SUPV3L1: variants seen among roughly 807,000 people sequenced by gnomAD.
SUPV3L1 encodes ATP-dependent RNA helicase SUPV3L1, mitochondrial.
In SUPV3L1, 35 loss-of-function variants were observed where a neutral mutation model predicts 70.0. The ratio of observed to expected loss-of-function variants is 0.50; its 90% CI spans 0.38 to 0.66. The LOEUF is 0.66. Among genes scored for constraint, SUPV3L1 ranks in the 30% least tolerant of loss-of-function variants. SUPV3L1 has a pLI of 0.00. For synonymous variants in SUPV3L1, 364 were observed against 341.9 expected (o/e 1.06, Z -0.71); for missense variants, 777 against 961.5 (o/e 0.81, Z 2.54).
chr10:69,204,736 C>A lies in SUPV3L1; in HGVS notation c.1776+1693C>A, dbSNP rs1842779113. Among the ~76,000 whole-genome samples, 3 of 151,408 alleles carry A rather than the reference C, an allele frequency of 2.0e-5. No homozygotes were observed. In the South Asian group the frequency reaches 6.3e-4, roughly 32 times the overall value. On this transcript the variant is annotated intron_variant, in intron 13 of 14. Coordinates refer to ENST00000359655, the MANE Select transcript of SUPV3L1 (RefSeq NM_003171.5). ...CTATGTGCATGTTCATGTGGAAACACTAGATTTGTTGTGAGGGTGCATTTC... is the reference window on the plus strand; with the variant it reads ...CTATGTGCATGTTCATGTGGAAACAATAGATTTGTTGTGAGGGTGCATTTC...
intron 8 of SUPV3L1, 136 bp from the exon 9 acceptor site, chr10:69,198,236 G>A: frequency 1.5e-6 from 1 of 652,400 alleles, no homozygotes; most frequent in South Asian, 3.1e-5. Context: ...ATGTTTTTCT[G>A]TGTTTTCTTT....
intron 4 of SUPV3L1, among the ~76,000 whole-genome samples, chr10:69,188,848 T>C (rs565384124): frequency 8.5e-4 from 130 of 152,294 alleles, no homozygotes; most frequent in Non-Finnish European, 1.6e-3. Flanking sequence ...TATTCCACTA[T>C]GGCCAGAGGT....
At chr10:69,199,963 G>A (rs1421634596) in intron 10 of SUPV3L1, among the ~76,000 whole-genome samples, 1 of 152,058 alleles carries the variant, frequency 6.6e-6, no homozygotes, top group East Asian at 1.9e-4. Flanking sequence ...TTGTGCCTCA[G>A]CCCCCCGAGT....
chr10:69,208,879 C>T lies in SUPV3L1; in HGVS notation c.2205C>T (p.Ser735=), dbSNP rs1317583470. The T allele has an allele frequency of 5.6e-6, 9 of 1,613,908 alleles. No homozygotes were observed. Among genetic ancestry groups the T allele is most frequent in the Admixed American group, 3.3e-5 (2 of 59,970 alleles). Residue 735 remains serine, a synonymous_variant, in exon 15 of 15, where the codon TCC becomes TCT. Transcript: ENST00000359655. ...SPDAGELSLA[S]RLVQQGLLTP... ...ATGCAGGAGAGCTGTCCCTTGCTTC[C>T]AGATTGGTGCAGCAAGGACTCCTCA... is the stretch of plus-strand genomic sequence containing the variant.
intron 13 of SUPV3L1, among the ~76,000 whole-genome samples, chr10:69,204,624 T>C (rs1209991824): frequency 6.6e-6 from 1 of 152,182 alleles, no homozygotes; most frequent in Non-Finnish European, 1.5e-5. Flanking sequence ...AGCTTAAATG[T>C]GGCTCCCTCC....
chr10:69,200,746 C>T (rs1455347320), intron 11 of SUPV3L1, among the ~76,000 whole-genome samples: 1 of 152,176 alleles, frequency 6.6e-6, no homozygotes, highest in Admixed American at 6.5e-5. Context: ...GCCTGATTTG[C>T]CTTTACTTCC....
intron 8 of SUPV3L1, 72 bp from the exon 9 acceptor site, chr10:69,198,299 CT>C: frequency 7.1e-7 from 1 of 1,401,932 alleles, no homozygotes; most frequent in Non-Finnish European, 9.7e-7. Context: ...GCATTACAAT[CT>C]TTTCACTTAA....
rs1183590603 is a variant in SUPV3L1, at chr10:69,186,554, A to G, written c.457+4A>G. ...AATGATATTTGCTTCGGTGCAGGCA[A>G]GTGTTTAGAGACTTTTTAAAATCCT... On this transcript the variant is annotated splice_donor_region_variant and intron_variant, in intron 3 of 14. Coordinates refer to ENST00000359655, the MANE Select transcript of SUPV3L1 (RefSeq NM_003171.5). 2 of 1,606,348 alleles carry G rather than the reference A, an allele frequency of 1.2e-6. No homozygotes were observed. The highest frequency in any genetic ancestry group is 8.5e-7 in the Non-Finnish European group (1 of 1,174,014).
chr10:69,188,447 G>A (rs1842296279), intron 4 of SUPV3L1, among the ~76,000 whole-genome samples: 1 of 152,080 alleles, frequency 6.6e-6, no homozygotes, highest in Non-Finnish European at 1.5e-5. Context: ...CTGCCTTGTG[G>A]CCCATGTCCC....
intron 11 of SUPV3L1, among the ~76,000 whole-genome samples, chr10:69,201,986 AC>A (rs1173155779): frequency 6.6e-6 from 1 of 151,738 alleles, no homozygotes; most frequent in Non-Finnish European, 1.5e-5. Flanking sequence ...GATTACAGGC[AC>A]GCAGCACCAC....
chr10:69,208,501 T>A, intron 14 of SUPV3L1, 99 bp from the exon 15 acceptor site: 1 of 1,301,792 alleles, frequency 7.7e-7, no homozygotes, highest in Non-Finnish European at 1.1e-6. Context: ...AAAAGAACAT[T>A]TAGAATTTAT....
At position 69,186,646 on chromosome 10, in the gene SUPV3L1, A is replaced by G. The variant is rs1003300064; in HGVS notation, c.457+96A>G. 51 of 1,037,134 alleles carry G rather than the reference A, an allele frequency of 4.9e-5. No homozygotes were observed. In the Admixed American group the frequency reaches 1.1e-3, roughly 22 times the overall value. 64.2% of individuals were successfully genotyped at this position (1,037,134 alleles called of 1,614,324 possible). A position where few individuals can be genotyped will look rare whatever the true frequency, so the allele number is the denominator to read the frequency against. ...TTCTCTAGAAGGGCTTATTTGGTTTAGAGTGGGTCTGGTAACATCCTCTGT... is the reference window on the plus strand; with the variant it reads ...TTCTCTAGAAGGGCTTATTTGGTTTGGAGTGGGTCTGGTAACATCCTCTGT... On this transcript the variant is annotated intron_variant, in intron 3 of 14. Transcript: ENST00000359655.
At chr10:69,186,818 T>A (rs1254889214) in intron 3 of SUPV3L1, among the ~76,000 whole-genome samples, 2 of 152,170 alleles carry the variant, frequency 1.3e-5, no homozygotes, top group African/African-American at 4.8e-5. Flanking sequence ...TTGGAATTAG[T>A]GCATAGCAGA....
chr10:69,208,283 A>G (rs1317386806), intron 14 of SUPV3L1, among the ~76,000 whole-genome samples: 2 of 152,210 alleles, frequency 1.3e-5, no homozygotes, highest in Middle Eastern at 3.2e-3. Context: ...TCTGCATTTT[A>G]ACAAGATCCC....
intron 13 of SUPV3L1, among the ~76,000 whole-genome samples, chr10:69,206,061 C>T (rs556248705): frequency 2.5e-4 from 38 of 152,214 alleles, no homozygotes; most frequent in African/African-American, 8.7e-4. Flanking sequence ...TCTCCCTGCT[C>T]TCTCTGCATA....
chr10:69,199,294 A>G (rs1278582860), intron 10 of SUPV3L1, 97 bp downstream of exon 10: 4 of 850,336 alleles, frequency 4.7e-6, no homozygotes, highest in African/African-American at 1.7e-5. Flanking sequence ...ACCAAACGCT[A>G]TGATTTGGGA....
chr10:69,194,847 A>G lies in SUPV3L1; in HGVS notation c.854-341A>G, dbSNP rs547779197. 3.9e-5 allele frequency among the ~76,000 whole-genome samples: 6 copies of G among 152,226 alleles called. No individual in the cohort carries two copies. In the South Asian group the frequency reaches 1.2e-3, roughly 32 times the overall value. On this transcript the variant is annotated intron_variant, in intron 6 of 14. Transcript: ENST00000359655. ...GACCCTGTATCTAAATTAAAAAGAA[A>G]AAAAAAAGAGTATAGACTTTGGAGC...
At chr10:69,194,844 GAAAA>G (rs71471531) in intron 6 of SUPV3L1, among the ~76,000 whole-genome samples, 1 of 144,604 alleles carries the variant, frequency 6.9e-6, no homozygotes, top group Non-Finnish European at 1.5e-5. Context: ...AAATTAAAAA[GAAAA>G]AAAAAAGAGT....
intron 13 of SUPV3L1, among the ~76,000 whole-genome samples, chr10:69,205,032 A>G (rs1480210349): frequency 6.6e-6 from 1 of 152,126 alleles, no homozygotes; most frequent in East Asian, 1.9e-4. Context: ...CAGCCTCCCA[A>G]AGTGCTAGGA....
Sources: allele counts gnomAD v4.1 joint callset (sites outside exome capture counted in the v4.1 genomes callset), GRCh38; gene constraint gnomAD v4.1.1; transcripts MANE v1.5; gene names NCBI Gene and HGNC (gene_info 2026-07-23, HGNC 2026-07-21).